Variants in STON2 observed in about 807,000 individuals in gnomAD.
STON2 encodes the protein stonin-2.
Under a neutral mutation model 65.7 loss-of-function variants are expected in STON2, and 29 were observed. The observed-to-expected ratio is 0.44, with a 90% CI of 0.33 to 0.60. The LOEUF (loss-of-function observed/expected upper bound fraction) is 0.60, where lower values mean the gene tolerates loss of function less well. Among genes scored for constraint, STON2 ranks in the 20% least tolerant of loss-of-function variants. STON2 has a pLI of 0.03. For synonymous variants in STON2, 404 were observed against 414.2 expected (o/e 0.98, Z 0.30); for missense variants, 1,054 against 1,118.1 (o/e 0.94, Z 0.82).
intron 4 of STON2, among the ~76,000 whole-genome samples, chr14:81,325,616 TA>T (rs1354873626): frequency 6.6e-6 from 1 of 152,088 alleles, no homozygotes; most frequent in African/African-American, 2.4e-5. Flanking sequence ...TTTATGTATA[TA>T]AAGCATATAT....
At chr14:81,298,911 A>T (rs927711066) in intron 5 of STON2, among the ~76,000 whole-genome samples, 5 of 152,262 alleles carry the variant, frequency 3.3e-5, no homozygotes, top group Non-Finnish European at 5.9e-5. Flanking sequence ...AAAACTTTTT[A>T]AAACACAATT....
chr14:81,388,323 C>T (rs1899920782), intron 3 of STON2, among the ~76,000 whole-genome samples: 1 of 152,170 alleles, frequency 6.6e-6, no homozygotes, highest in Non-Finnish European at 1.5e-5. Flanking sequence ...CACTTATTCA[C>T]TTCAAACCCT....
At chr14:81,418,204 G>C (rs1219215279) in intron 2 of STON2, 1 of 153,272 alleles carries the variant, frequency 6.5e-6, no homozygotes, top group African/African-American at 2.4e-5. Context: ...ATGGCAGAAG[G>C]GAAGGAGGAG....
At position 81,396,213 on chromosome 14, in the gene STON2, G is replaced by A. The variant is rs112620001; in HGVS notation, c.89-35C>T. 32 of 1,561,352 alleles carry A rather than the reference G, an allele frequency of 2.0e-5. No individual in the cohort carries two copies. The African/African-American group carries it at 3.5e-4, about 17-fold the overall frequency. On this transcript the variant is annotated intron_variant, in intron 2 of 7. Transcript: ENST00000614646. ...ATACCAGACGCCACCATCATGTGAGGAAGGCCGCTCTTCAGAGCCATCTCA... is the reference window on the plus strand; with the variant it reads ...ATACCAGACGCCACCATCATGTGAGAAAGGCCGCTCTTCAGAGCCATCTCA...
intron 1 of STON2, among the ~76,000 whole-genome samples, chr14:81,427,711 A>G (rs2139921462): frequency 6.6e-6 from 1 of 151,780 alleles, no homozygotes; most frequent in South Asian, 2.1e-4. Context: ...TAAGGATGAG[A>G]TGGGAAAAAA....
At chr14:81,281,492 C>T (rs973205801) in intron 5 of STON2, among the ~76,000 whole-genome samples, 4 of 152,174 alleles carry the variant, frequency 2.6e-5, no homozygotes, top group Admixed American at 6.5e-5. Flanking sequence ...TTGGCCCACC[C>T]CTGGCATCAG....
upstream of STON2, among the ~76,000 whole-genome samples, chr14:81,400,933 T>C (rs1900581890): frequency 6.6e-6 from 1 of 152,220 alleles, no homozygotes; most frequent in Non-Finnish European, 1.5e-5. Flanking sequence ...TACTAAGGAC[T>C]GGATGTAATA....
chr14:81,413,555 G>A (rs1308623925), intron 2 of STON2, among the ~76,000 whole-genome samples: 1 of 139,594 alleles, frequency 7.2e-6, no homozygotes, highest in Non-Finnish European at 1.5e-5. Context: ...CAGCACTTTG[G>A]GAGGCTGAGG....
intron 3 of STON2, among the ~76,000 whole-genome samples, chr14:81,385,842 A>C (rs1412700904): frequency 1.3e-5 from 2 of 152,218 alleles, no homozygotes; most frequent in Non-Finnish European, 2.9e-5. Flanking sequence ...ATAACAAGTA[A>C]ACTAATGCAT....
intron 3 of STON2, among the ~76,000 whole-genome samples, chr14:81,389,402 G>A (rs1033542738): frequency 3.9e-5 from 6 of 152,104 alleles, no homozygotes; most frequent in South Asian, 2.1e-4. Context: ...TCATTCTTGC[G>A]TTATCCATGC....
At chr14:81,425,424 T>C (rs1901917755) in intron 2 of STON2, among the ~76,000 whole-genome samples, 1 of 152,036 alleles carries the variant, frequency 6.6e-6, no homozygotes, top group Admixed American at 6.6e-5. Context: ...AACACAAAAT[T>C]AGCTGGGCAC....
At chr14:81,355,944 C>T (rs796862639) in intron 4 of STON2, among the ~76,000 whole-genome samples, 34 of 152,232 alleles carry the variant, frequency 2.2e-4, no homozygotes, top group African/African-American at 6.7e-4. Flanking sequence ...ACAATCATGT[C>T]GTCTGCAAAC....
At chr14:81,343,888 G>T (rs764896535) in intron 4 of STON2, among the ~76,000 whole-genome samples, 2 of 152,038 alleles carry the variant, frequency 1.3e-5, no homozygotes, top group Non-Finnish European at 2.9e-5. Context: ...TACATGATTT[G>T]CCCAATATCA....
chr14:81,323,246 C>T (rs1366333297), intron 5 of STON2, among the ~76,000 whole-genome samples: 1 of 152,166 alleles, frequency 6.6e-6, no homozygotes, highest in Non-Finnish European at 1.5e-5. Flanking sequence ...CTTGATTACT[C>T]TGAATTACTC....
chr14:81,372,458 C>T (rs1347815035), intron 3 of STON2, among the ~76,000 whole-genome samples: 1 of 151,072 alleles, frequency 6.6e-6, no homozygotes, highest in Admixed American at 6.6e-5. Context: ...GGGAGGCTGA[C>T]ACACAAGAAC....
At chr14:81,305,222 A>G (rs1896125899) in intron 5 of STON2, among the ~76,000 whole-genome samples, 1 of 152,232 alleles carries the variant, frequency 6.6e-6, no homozygotes, top group Non-Finnish European at 1.5e-5. Flanking sequence ...ATTCTTGCAC[A>G]TGCCTTTGAT....
At chr14:81,387,153 C>G (rs543820209) in intron 3 of STON2, among the ~76,000 whole-genome samples, 1 of 146,522 alleles carries the variant, frequency 6.8e-6, no homozygotes, top group East Asian at 2.1e-4. Flanking sequence ...TGATTTAACA[C>G]CAGAAGGTTG....
intron 4 of STON2, among the ~76,000 whole-genome samples, chr14:81,366,132 C>G (rs1436474033): frequency 6.6e-6 from 1 of 152,184 alleles, no homozygotes; most frequent in Non-Finnish European, 1.5e-5. Flanking sequence ...CAGCTCTGCC[C>G]CCCCGCACCC....
chr14:81,415,617 C>A (rs575368661), intron 2 of STON2, among the ~76,000 whole-genome samples: 307 of 142,438 alleles, frequency 2.2e-3, no homozygotes, highest in Admixed American at 4.3e-3. Flanking sequence ...TGGCAGTGAG[C>A]CAAGATCGCA....
Sources: gnomAD v4.1 joint callset for allele counts (sites outside exome capture counted in the v4.1 genomes callset) on GRCh38, gnomAD v4.1.1 for gene constraint, MANE v1.5 for transcripts, NCBI Gene and HGNC (gene_info 2026-07-23, HGNC 2026-07-21) for gene names.